The following SYT8 variants were observed in gnomAD, a reference collection of about 807,000 sequenced individuals.
SYT8 encodes synaptotagmin-8.
SYT8 carries 50 observed loss-of-function variants against 34.9 expected under a neutral mutation model. That is an observed-to-expected ratio of 1.43 (90% CI 1.14 to 1.81). The LOEUF is 1.81. SYT8 is among the 40% of genes most tolerant of loss of function. The pLI, the probability that SYT8 is intolerant of heterozygous loss-of-function variation, is 0.00. For synonymous variants in SYT8, 255 were observed against 234.2 expected (o/e 1.09, Z -0.81); for missense variants, 595 against 529.0 (o/e 1.12, Z -1.22).
chr11:1,836,209 G>C lies in SYT8; in HGVS notation c.441G>C (p.Gln147His). 1 of 1,590,690 alleles carries C rather than the reference G, an allele frequency of 6.3e-7. No homozygotes were observed. ...ATGCCCGGGTCAGCGTCTCCACCCA[G>C]GCCGGACACAGACATGAGACAAAAG... Reference protein sequence around the residue: ...DPYARVSVSTQAGHRHETKVH... With the variant: ...DPYARVSVSTHAGHRHETKVH... The change falls in exon 4 of 8, where the codon CAG becomes CAC. Residue 147 changes from glutamine (Q) to histidine (H), a missense_variant. Coordinates refer to ENST00000341958, the MANE Select transcript of SYT8 (RefSeq NM_001394072.1).
In SYT8 at chr11:1,836,806, A is replaced by G; in HGVS notation, c.735A>G (p.Ser245=). ...LCFSLRYVPS[S]GRLTVVVLEA... is the part of the protein sequence containing the mutation. ...TCTCTCTCCGGTACGTGCCCAGCTC[A>G]GGCCGGCTGACCGTGGTGGTGCTGG... Residue 245 remains serine (S), a synonymous_variant, in exon 6 of 8, where the codon TCA becomes TCG. Coordinates refer to ENST00000341958, the MANE Select transcript of SYT8 (RefSeq NM_001394072.1). The G allele has an allele frequency of 3.7e-6, 6 of 1,611,248 alleles. No homozygotes were observed. The highest frequency in any genetic ancestry group is 4.2e-6 in the Non-Finnish European group (5 of 1,179,966).
chr11:1,835,435 C>T lies in SYT8; in HGVS notation c.234C>T (p.Ala78=). Residue 78 remains alanine (A), a synonymous_variant, in exon 2 of 8, where the codon GCC becomes GCT. Coordinates refer to ENST00000341958, the MANE Select transcript of SYT8 (RefSeq NM_001394072.1). ...RDKESVGLGS[A]RGTTTTHLVQ... ...AGGAGTCCGTGGGTCTGGGCAGTGCCCGCGGCACCACCACCACCCACCTGG... is the reference window on the plus strand; with the variant it reads ...AGGAGTCCGTGGGTCTGGGCAGTGCTCGCGGCACCACCACCACCCACCTGG... 2.5e-6 allele frequency: 4 copies of T among 1,609,798 alleles called. No individual in the cohort carries two copies. Among genetic ancestry groups the T allele is most frequent in the Non-Finnish European group, 3.4e-6 (4 of 1,179,600 alleles).
Position 1,836,756 on chromosome 11 carries a change from C to T in SYT8, c.685C>T (p.Pro229Ser). The change falls in exon 6 of 8, where the codon CCC becomes TCC. Residue 229 changes from proline to serine, a missense_variant and splice_region_variant. Pro to Ser is a moderately conservative substitution (Grantham distance 74). Transcript: ENST00000341958. ...YLLGPPAATQ[P>S]EQVGELCFSL... ...CTGAAGCCCCTCTTGCTGCCCACAGCCCGAGCAGGTCGGGGAGCTGTGCTT... is the reference window on the plus strand; with the variant it reads ...CTGAAGCCCCTCTTGCTGCCCACAGTCCGAGCAGGTCGGGGAGCTGTGCTT... 1 of 1,608,580 alleles carries T rather than the reference C, an allele frequency of 6.2e-7. No homozygotes were observed.
rs776373954 is a variant in SYT8, at chr11:1,836,132, G to T, written c.364G>T (p.Val122Leu). Residue 122 changes from valine to leucine, a missense_variant, in exon 4 of 8, where the codon GTG (valine) becomes TTG (leucine). Transcript: ENST00000341958. Reference sequence around the variant, plus strand: ...CCACCCCGCTGGCTCCCAGATCAGGGTGGGCCTGAGGCAGGCAGCCGACCT... The same window carrying T: ...CCACCCCGCTGGCTCCCAGATCAGGTTGGGCCTGAGGCAGGCAGCCGACCT... ...EFDFGSQEIRVGLRQAADLRP... is the reference protein window; with the variant it reads ...EFDFGSQEIRLGLRQAADLRP... 1 of 1,508,292 alleles carries T rather than the reference G, an allele frequency of 6.6e-7. No homozygotes were observed. Among genetic ancestry groups the T allele is most frequent in the South Asian group, 1.3e-5 (1 of 76,604 alleles). 93.4% of individuals were successfully genotyped at this position (1,508,292 alleles called of 1,614,324 possible). A position where few individuals can be genotyped will look rare whatever the true frequency, so the allele number is the denominator to read the frequency against.
chr11:1,831,823 G>C (rs1208881625), upstream of SYT8: 3 of 454,386 alleles, frequency 6.6e-6, no homozygotes, highest in Non-Finnish European at 1.3e-5. Flanking sequence ...TGCTGTCCGA[G>C]AGCTGGACCC....
At chr11:1,836,898 G>A (rs369178045) in intron 6 of SYT8, 37 bp downstream of exon 6, 13 of 1,612,596 alleles carry the variant, frequency 8.1e-6, no homozygotes, top group Admixed American at 6.7e-5. Context: ...TGTACAGAGG[G>A]GGGGCCCGTG....
rs912916782 is a variant in SYT8, at chr11:1,837,472, T to G, written c.*41T>G. The G allele has an allele frequency of 6.3e-7, 1 of 1,593,702 alleles. No individual in the cohort carries two copies. The highest frequency in any genetic ancestry group is 8.5e-7 in the Non-Finnish European group (1 of 1,174,376). ...CTGTCTCCCCGCTGAGCCCAGGCAC[T>G]TGCCCAGGCCGCCCTGCAGGACCAC... On this transcript the variant is annotated 3_prime_UTR_variant, in exon 8 of 8. Transcript: ENST00000341958.
Position 1,836,460 on chromosome 11 carries a change from G to C in SYT8, c.552G>C (p.Gln184His). 6 of 1,603,852 alleles carry C rather than the reference G, an allele frequency of 3.7e-6. No individual in the cohort carries two copies. Among genetic ancestry groups the C allele is most frequent in the Non-Finnish European group, 5.1e-6 (6 of 1,176,566 alleles). The change falls in exon 5 of 8, where the codon CAG (glutamine) becomes CAC (histidine). Residue 184 changes from glutamine to histidine, a missense_variant. Gln to His is a conservative substitution (Grantham distance 24, BLOSUM62 0). Coordinates refer to ENST00000341958, the MANE Select transcript of SYT8 (RefSeq NM_001394072.1). ...CGGAGCTGCCAGGGGCCACCCTGCA[G>C]GTGCAGCTTTTCAACTTCAAGCGCT... ...PQAELPGATL[Q>H]VQLFNFKRFS...
chr11:1,835,238 C>T (rs748211317), intron 1 of SYT8, 39 bp downstream of exon 1: 34 of 1,608,608 alleles, frequency 2.1e-5, no homozygotes, highest in Non-Finnish European at 2.8e-5. Flanking sequence ...TGGGGATAAC[C>T]CAGCCAAGTG....
chr11:1,834,986 T>C, upstream of SYT8: 2 of 1,055,630 alleles, frequency 1.9e-6, no homozygotes, highest in East Asian at 2.4e-5. This position sits in a 1 kb window ranked among gnomAD's most constrained non-coding sequence, Gnocchi z 4.5. Flanking sequence ...CTCCTTGCCC[T>C]GGCAGACCCA....
Position 1,836,183 on chromosome 11 carries a change from T to C in SYT8, c.415T>C (p.Tyr139His), listed in dbSNP as rs1168210066. ...GAGGCCTGGGGGCACCGTGGACCCCTATGCCCGGGTCAGCGTCTCCACCCA... is the reference window on the plus strand; with the variant it reads ...GAGGCCTGGGGGCACCGTGGACCCCCATGCCCGGGTCAGCGTCTCCACCCA... Reference protein sequence around the residue: ...DLRPGGTVDPYARVSVSTQAG... With the variant: ...DLRPGGTVDPHARVSVSTQAG... Residue 139 changes from tyrosine to histidine, a missense_variant, in exon 4 of 8, where the codon TAT (tyrosine) becomes CAT (histidine). Coordinates refer to ENST00000341958, the MANE Select transcript of SYT8 (RefSeq NM_001394072.1). 8.9e-6 allele frequency: 14 copies of C among 1,569,892 alleles called. No homozygotes were observed. Among genetic ancestry groups the C allele is most frequent in the Non-Finnish European group, 1.1e-5 (13 of 1,160,086 alleles).
chr11:1,834,574 G>A, upstream of SYT8: 1 of 1,582,838 alleles, frequency 6.3e-7, no homozygotes. The surrounding 1 kb of genome is among the most constrained non-coding windows in gnomAD (Gnocchi z 4.5). Flanking sequence ...CAGTGAACAT[G>A]CTCCACCTGC....
At chr11:1,833,962 T>C (rs1478022927), upstream of SYT8, 1 of 154,186 alleles carries the variant, frequency 6.5e-6, no homozygotes, top group Non-Finnish European at 1.4e-5. Context: ...AGCTGCTTAT[T>C]CCCGATGGGA....
intron 2 of SYT8, 27 bp from the exon 3 acceptor site, chr11:1,835,859 C>A: frequency 6.3e-7 from 1 of 1,589,964 alleles, no homozygotes; most frequent in Non-Finnish European, 8.6e-7. Context: ...GTCAGCACCA[C>A]CTGCCCCTTG....
At chr11:1,835,245 A>C in intron 1 of SYT8, 46 bp downstream of exon 1, 1 of 1,607,330 alleles carries the variant, frequency 6.2e-7, no homozygotes. Flanking sequence ...AACCCAGCCA[A>C]GTGGGGGCTG....
chr11:1,837,458 C>A lies in SYT8; in HGVS notation c.*27C>A. 1 of 1,600,168 alleles carries A rather than the reference C, an allele frequency of 6.2e-7. No individual in the cohort carries two copies. Among genetic ancestry groups the A allele is most frequent in the Non-Finnish European group, 8.5e-7 (1 of 1,177,286 alleles). On this transcript the variant is annotated 3_prime_UTR_variant, in exon 8 of 8. Coordinates refer to ENST00000341958, the MANE Select transcript of SYT8 (RefSeq NM_001394072.1). ...TGCACCACATGCCTCTGTCTCCCCG[C>A]TGAGCCCAGGCACTTGCCCAGGCCG... is the stretch of plus-strand genomic sequence containing the variant.
At chr11:1,835,570 G>A (rs1447683472) in intron 2 of SYT8, 111 bp downstream of exon 2, 2 of 1,322,122 alleles carry the variant, frequency 1.5e-6, no homozygotes, top group South Asian at 1.3e-5. Flanking sequence ...CCCCCACAGA[G>A]GCAGGGCGTT....
intron 2 of SYT8, 86 bp downstream of exon 2, chr11:1,835,545 C>G: frequency 1.3e-6 from 2 of 1,505,600 alleles, no homozygotes; most frequent in Non-Finnish European, 1.8e-6. Context: ...GAGTTCAGCC[C>G]CAGGGATGGT....
chr11:1,833,660 G>A (rs1369532198), upstream of SYT8: 2 of 152,286 alleles, frequency 1.3e-5, no homozygotes, highest in Non-Finnish European at 2.9e-5. Flanking sequence ...GACCTCACAG[G>A]GTCAACATGC....
Sources: gnomAD v4.1 joint callset for allele counts on GRCh38, gnomAD v4.1.1 for gene constraint, Gnocchi (gnomAD v3.1) non-coding constraint, MANE v1.5 for transcripts, NCBI Gene and HGNC (gene_info 2026-07-23, HGNC 2026-07-21) for gene names.